Variants in PALS2 observed in about 807,000 individuals in gnomAD.
PALS2 encodes protein associated with LIN7 2, MAGUK p55 family member, also known as protein PALS2.
Under a neutral mutation model 61.6 loss-of-function variants are expected in PALS2, and 27 were observed. The ratio of observed to expected loss-of-function variants is 0.44; its 90% CI spans 0.32 to 0.60. PALS2 has a LOEUF of 0.60. Ranked by LOEUF, PALS2 falls within the 20% of genes least tolerant of loss-of-function variation. The pLI, the probability that PALS2 is intolerant of heterozygous loss-of-function variation, is 0.05. For synonymous variants in PALS2, 236 were observed against 218.6 expected (o/e 1.08, Z -0.70); for missense variants, 554 against 639.4 (o/e 0.87, Z 1.44).
At chr7:24,685,723 T>C (rs1249495921) in intron 11 of PALS2, among the ~76,000 whole-genome samples, 1 of 151,918 alleles carries the variant, frequency 6.6e-6, no homozygotes, top group African/African-American at 2.4e-5. Flanking sequence ...ATGTGGCCTG[T>C]TTACATATCT....
Position 24,664,108 on chromosome 7 carries a change from GTCTCC to G in PALS2, c.783+393_783+397del, listed in dbSNP as rs773633725. ...TTACTGTGAAATAAGTGTGTCTCTT[GTCTCC>G]TCTCCCTCATGTTCGTTCATAGCAA... On this transcript the variant is annotated intron_variant, in intron 6 of 11. Coordinates refer to ENST00000222644, the MANE Select transcript of PALS2 (RefSeq NM_001303037.2). Among the ~76,000 whole-genome samples the G allele has an allele frequency of 9.9e-5, 15 of 152,122 alleles. 1 individual carries two copies. Among genetic ancestry groups the G allele is most frequent in the Admixed American group, 7.2e-4 (11 of 15,286 alleles).
Position 24,596,011 on chromosome 7 carries a change from G to A in PALS2, c.-3+22418G>A, listed in dbSNP as rs1028797389. Among the ~76,000 whole-genome samples, 4 of 151,880 alleles carry A rather than the reference G, an allele frequency of 2.6e-5. No individual in the cohort carries two copies. Among genetic ancestry groups the A allele is most frequent in the Non-Finnish European group, 4.4e-5 (3 of 67,992 alleles). On this transcript the variant is annotated intron_variant, in intron 1 of 11. Coordinates refer to ENST00000222644, the MANE Select transcript of PALS2 (RefSeq NM_001303037.2). This position sits in a 1 kb window ranked among gnomAD's most constrained non-coding sequence, Gnocchi z 4.5. ...AGGGAAAGAGTTGGAGAAGTTGAAC[G>A]CAGAGAGGTACAGTGGGTGACAAAT...
chr7:24,678,801 A>T (rs1336771017), intron 9 of PALS2, among the ~76,000 whole-genome samples: 1 of 152,124 alleles, frequency 6.6e-6, no homozygotes, highest in Non-Finnish European at 1.5e-5. Flanking sequence ...TATTTGGGGG[A>T]CTACCTCTTA....
intron 1 of PALS2, among the ~76,000 whole-genome samples, chr7:24,577,057 T>C (rs1188602338): frequency 6.6e-6 from 1 of 152,178 alleles, no homozygotes; most frequent in African/African-American, 2.4e-5. Context: ...CTGCTACGTT[T>C]ATAGTAGTTT....
At chr7:24,679,420 G>A (rs1787800227) in intron 10 of PALS2, 87 bp downstream of exon 10, 1 of 1,392,126 alleles carries the variant, frequency 7.2e-7, no homozygotes. Context: ...GGTTGGGGTT[G>A]TTTGTTTTGT....
chr7:24,682,332 G>A (rs972737505), intron 11 of PALS2, among the ~76,000 whole-genome samples: 1 of 152,106 alleles, frequency 6.6e-6, no homozygotes, highest in Non-Finnish European at 1.5e-5. Context: ...CAATGTGCAG[G>A]TTGGTACTTC....
chr7:24,611,439 T>G (rs192866288), intron 1 of PALS2, among the ~76,000 whole-genome samples: 2 of 152,158 alleles, frequency 1.3e-5, no homozygotes, highest in Admixed American at 1.3e-4. Flanking sequence ...CATTTAAAAC[T>G]ATTCTTGATT....
intron 1 of PALS2, among the ~76,000 whole-genome samples, chr7:24,609,687 T>C (rs1784045122): frequency 6.6e-6 from 1 of 152,206 alleles, no homozygotes; most frequent in South Asian, 2.1e-4. Flanking sequence ...GAACGAGATC[T>C]ACCTCAGCCT....
intron 5 of PALS2, among the ~76,000 whole-genome samples, chr7:24,655,937 C>T (rs1786391645): frequency 6.6e-6 from 1 of 152,026 alleles, no homozygotes; most frequent in South Asian, 2.1e-4. Context: ...ACTTTTTTAA[C>T]CAAACATACC....
chr7:24,626,360 T>C (rs1447361598), intron 2 of PALS2, among the ~76,000 whole-genome samples: 1 of 152,102 alleles, frequency 6.6e-6, no homozygotes, highest in African/African-American at 2.4e-5. Flanking sequence ...ATATCTAATA[T>C]ATGTAGTTTG....
rs553010656 is a variant in PALS2 at position 24,595,369 on chromosome 7, T to C, written c.-3+21776T>C. Among the ~76,000 whole-genome samples the C allele has an allele frequency of 5.0e-4, 73 of 146,484 alleles. 1 individual carries two copies. The highest frequency in any genetic ancestry group is 4.3e-4 in the Non-Finnish European group (29 of 67,140). ...ATACAAATCTGAAGCTTGGGTGATATAGCTTTGAGAGACATCAACTATTTA... is the reference window on the plus strand; with the variant it reads ...ATACAAATCTGAAGCTTGGGTGATACAGCTTTGAGAGACATCAACTATTTA... On this transcript the variant is annotated intron_variant, in intron 1 of 11. Coordinates refer to ENST00000222644, the MANE Select transcript of PALS2 (RefSeq NM_001303037.2).
chr7:24,590,707 C>T (rs760045949), intron 1 of PALS2, among the ~76,000 whole-genome samples: 1 of 152,048 alleles, frequency 6.6e-6, no homozygotes, highest in Non-Finnish European at 1.5e-5. Flanking sequence ...TCATCTTGAA[C>T]AGGCCAGGGC....
intron 1 of PALS2, among the ~76,000 whole-genome samples, chr7:24,607,537 A>G (rs926628610): frequency 4.0e-5 from 6 of 151,706 alleles, no homozygotes; most frequent in Admixed American, 3.9e-4. Context: ...GTGTGTATAT[A>G]TACACGTGTA....
intron 9 of PALS2, among the ~76,000 whole-genome samples, chr7:24,673,539 T>C (rs1364789585): frequency 3.3e-5 from 5 of 152,172 alleles, no homozygotes; most frequent in African/African-American, 1.2e-4. Flanking sequence ...CTTTTCTTTG[T>C]GGGAAGTTTT....
intron 4 of PALS2, 82 bp from the exon 5 acceptor site, chr7:24,650,403 A>T: frequency 1.5e-5 from 17 of 1,160,614 alleles, no homozygotes; most frequent in Non-Finnish European, 2.1e-5. Context: ...TAGTTTTAGA[A>T]TTATTTTCTT....
intron 1 of PALS2, among the ~76,000 whole-genome samples, chr7:24,620,538 C>A (rs1784457027): frequency 2.0e-5 from 3 of 152,016 alleles, no homozygotes; most frequent in Admixed American, 6.5e-5. Flanking sequence ...AACCAAAGAT[C>A]TATTTCACAA....
intron 11 of PALS2, among the ~76,000 whole-genome samples, chr7:24,684,528 C>A (rs1407007741): frequency 6.6e-6 from 1 of 152,168 alleles, no homozygotes; most frequent in African/African-American, 2.4e-5. Context: ...CTGGCCCAGA[C>A]CTGGAACCAG....
intron 2 of PALS2, among the ~76,000 whole-genome samples, chr7:24,640,833 C>T (rs1316735765): frequency 1.3e-5 from 2 of 151,678 alleles, no homozygotes; most frequent in Non-Finnish European, 2.9e-5. Flanking sequence ...ATGGTGAAAC[C>T]CTGTCTCTAC....
intron 1 of PALS2, among the ~76,000 whole-genome samples, chr7:24,587,123 A>G (rs1288865497): frequency 6.6e-6 from 1 of 151,774 alleles, no homozygotes; most frequent in Non-Finnish European, 1.5e-5. Context: ...ATATTTGACT[A>G]AGTTAATACT....
Sources: gnomAD v4.1 joint callset for allele counts (sites outside exome capture counted in the v4.1 genomes callset) on GRCh38, gnomAD v4.1.1 for gene constraint, Gnocchi (gnomAD v3.1) non-coding constraint, MANE v1.5 for transcripts, NCBI Gene and HGNC (gene_info 2026-07-23, HGNC 2026-07-21) for gene names.